Variants in ERP44 observed in about 807,000 individuals in gnomAD.
ERP44 encodes the protein endoplasmic reticulum protein 44.
In ERP44, 25 loss-of-function variants were observed where a neutral mutation model predicts 53.4. The observed-to-expected ratio is 0.47, with a 90% CI of 0.34 to 0.65. ERP44 has a LOEUF of 0.65. Among genes scored for constraint, ERP44 ranks in the 30% least tolerant of loss-of-function variants. The pLI is 0.01. For synonymous variants in ERP44, 145 were observed against 161.2 expected, an observed-to-expected ratio of 0.90 and a Z score of 0.76; for missense variants, 338 against 493.2, an observed-to-expected ratio of 0.69 and a Z score of 2.98.
At chr9:100,092,522 G>C (rs1471484676) in intron 1 of ERP44, among the ~76,000 whole-genome samples, 1 of 152,192 alleles carries the variant, frequency 6.6e-6, no homozygotes, top group Non-Finnish European at 1.5e-5. Flanking sequence ...GGAAGAGTCG[G>C]AACTTACATA....
chr9:99,991,085 C>G (rs1242135196), intron 10 of ERP44, among the ~76,000 whole-genome samples: 1 of 152,224 alleles, frequency 6.6e-6, no homozygotes, highest in African/African-American at 2.4e-5. Flanking sequence ...TAACACCCCA[C>G]TGTCAATATT....
chr9:99,999,062 G>T, intron 10 of ERP44: 2 of 744,278 alleles, frequency 2.7e-6, no homozygotes, highest in South Asian at 3.0e-5. Flanking sequence ...GGAGGCGGAT[G>T]ACCGCCTGCA....
intron 6 of ERP44, among the ~76,000 whole-genome samples, chr9:100,019,452 A>G (rs1366078895): frequency 1.3e-5 from 2 of 152,208 alleles, no homozygotes; most frequent in Non-Finnish European, 2.9e-5. Flanking sequence ...TAAAGCAAGG[A>G]CAAACAATAA....
chr9:100,036,541 G>T (rs1000524995), intron 4 of ERP44, among the ~76,000 whole-genome samples: 3 of 152,078 alleles, frequency 2.0e-5, no homozygotes, highest in Non-Finnish European at 4.4e-5. Flanking sequence ...TACCTATTGG[G>T]TACTCTGCTC....
intron 1 of ERP44, among the ~76,000 whole-genome samples, chr9:100,079,264 A>G (rs1347089456): frequency 1.3e-5 from 2 of 152,322 alleles, no homozygotes; most frequent in Middle Eastern, 3.4e-3. Context: ...ATCCTTCTCC[A>G]GTGCTGGATG....
chr9:100,059,973 T>A, intron 2 of ERP44, 127 bp downstream of exon 2: 1 of 780,018 alleles, frequency 1.3e-6, no homozygotes, highest in Non-Finnish European at 1.7e-6. Flanking sequence ...AGTCATGGAA[T>A]TAATCAGAAT....
rs1361116804 is a variant in ERP44 at position 100,014,624 on chromosome 9, T to A, written c.762+1698A>T. Among the ~76,000 whole-genome samples, 4 of 152,188 alleles carry A rather than the reference T, an allele frequency of 2.6e-5. No individual in the cohort carries two copies. The South Asian group carries it at 6.2e-4, about 24-fold the overall frequency. The stretch of plus-strand genomic sequence containing the variant: ...CATTTTTAAATAATTGGGAAAAAAA[T>A]TTAATATTTCACAGCATGTGAAAAT... On this transcript the variant is annotated intron_variant, in intron 8 of 11. Coordinates refer to ENST00000262455, the MANE Select transcript of ERP44 (RefSeq NM_015051.3).
intron 1 of ERP44, among the ~76,000 whole-genome samples, chr9:100,080,462 A>G (rs940231677): frequency 6.6e-6 from 1 of 152,172 alleles, no homozygotes; most frequent in Middle Eastern, 3.2e-3. Context: ...ACCTATGAAG[A>G]TGAAAGCACT....
intron 4 of ERP44, among the ~76,000 whole-genome samples, chr9:100,034,750 A>G (rs1334588894): frequency 2.0e-5 from 3 of 152,216 alleles, no homozygotes; most frequent in Non-Finnish European, 4.4e-5. Context: ...GAACCAAAAA[A>G]GAGCCTCAAT....
intron 8 of ERP44, among the ~76,000 whole-genome samples, chr9:100,007,980 G>A (rs1376089000): frequency 6.6e-6 from 1 of 152,134 alleles, no homozygotes; most frequent in African/African-American, 2.4e-5. Flanking sequence ...GAGACTTCAG[G>A]GTTAGGCTGT....
intron 1 of ERP44, among the ~76,000 whole-genome samples, chr9:100,063,235 A>T (rs576650012): frequency 2.0e-5 from 3 of 152,278 alleles, no homozygotes; most frequent in Non-Finnish European, 4.4e-5. Flanking sequence ...TACTGTGCTA[A>T]TAAATATGCA....
chr9:100,076,691 G>A (rs1397712166), intron 1 of ERP44, among the ~76,000 whole-genome samples: 3 of 152,210 alleles, frequency 2.0e-5, no homozygotes, highest in East Asian at 3.9e-4. Context: ...AAGAAATTGG[G>A]GGAAGAGGTA....
At chr9:100,047,417 T>C (rs989371454) in intron 4 of ERP44, among the ~76,000 whole-genome samples, 1 of 152,080 alleles carries the variant, frequency 6.6e-6, no homozygotes, top group African/African-American at 2.4e-5. Flanking sequence ...CTCAAATATA[T>C]AGTAAAATGA....
intron 8 of ERP44, among the ~76,000 whole-genome samples, chr9:100,014,569 G>A (rs979307995): frequency 4.6e-5 from 7 of 152,226 alleles, no homozygotes; most frequent in African/African-American, 1.7e-4. Flanking sequence ...GATTACAGGC[G>A]TGAGCCATGG....
chr9:100,084,413 G>A (rs925651441), intron 1 of ERP44, among the ~76,000 whole-genome samples: 7 of 152,302 alleles, frequency 4.6e-5, no homozygotes, highest in Admixed American at 4.6e-4. Context: ...TAAAGAGGAT[G>A]ACTGTGTATA....
chr9:100,021,385 A>G (rs1455984238), intron 5 of ERP44, among the ~76,000 whole-genome samples: 4 of 152,176 alleles, frequency 2.6e-5, no homozygotes, highest in Non-Finnish European at 4.4e-5. Context: ...AAATGCAAAC[A>G]TGCTCACACT....
chr9:99,999,018 C>G (rs1361670639), intron 10 of ERP44: 2 of 985,694 alleles, frequency 2.0e-6, no homozygotes, highest in Non-Finnish European at 3.2e-6. Context: ...GCGTGGGCAG[C>G]GGGCGCAGCT....
intron 10 of ERP44, among the ~76,000 whole-genome samples, chr9:99,988,635 C>A (rs1184930598): frequency 6.6e-6 from 1 of 152,210 alleles, no homozygotes; most frequent in Admixed American, 6.5e-5. Flanking sequence ...CGGGTGATTT[C>A]TGCATTTCAA....
At chr9:100,079,488 C>CATATTGTT (rs1826397474) in intron 1 of ERP44, among the ~76,000 whole-genome samples, 1 of 151,424 alleles carries the variant, frequency 6.6e-6, no homozygotes, top group African/African-American at 2.4e-5. Context: ...TTCTAGAGAA[C>CATATTGTT]CCTAATACAA....
Sources: allele counts gnomAD v4.1 joint callset (sites outside exome capture counted in the v4.1 genomes callset), GRCh38; gene constraint gnomAD v4.1.1; transcripts MANE v1.5; gene names NCBI Gene and HGNC (gene_info 2026-07-23, HGNC 2026-07-21).